Variants in P2RY11 observed in about 807,000 individuals in gnomAD.
The protein encoded by P2RY11 is P2Y purinoceptor 11.
Under a neutral mutation model 2.4 loss-of-function variants are expected in P2RY11, and 3 were observed. That is an observed-to-expected ratio of 1.22 (90% CI 0.56 to 3.17). The LOEUF (loss-of-function observed/expected upper bound fraction) is 3.17, where lower values mean the gene tolerates loss of function less well. P2RY11 is among the 30% of genes most tolerant of loss of function. P2RY11 has a pLI of 0.03. For synonymous variants in P2RY11, 307 were observed against 237.3 expected (o/e 1.29, Z -2.70); for missense variants, 670 against 528.2 (o/e 1.27, Z -2.63).
At chr19:10,113,571 G>C in intron 1 of P2RY11, 62 bp from the exon 2 acceptor site, 2 of 1,549,172 alleles carry the variant, frequency 1.3e-6, no homozygotes, top group Non-Finnish European at 1.7e-6. Context: ...GTGGGCTCTT[G>C]GGGTAGCAGG....
Position 10,113,734 on chromosome 19 carries a change from G to C in P2RY11, c.121G>C (p.Val41Leu). 2.5e-6 allele frequency: 4 copies of C among 1,614,072 alleles called. No individual in the cohort carries two copies. The highest frequency in any genetic ancestry group is 3.4e-6 in the Non-Finnish European group (4 of 1,179,962). Residue 41 changes from valine to leucine, a missense_variant, in exon 2 of 2, where the codon GTG becomes CTG. Val to Leu is a conservative substitution (Grantham distance 32). Coordinates refer to ENST00000321826, the MANE Select transcript of P2RY11 (RefSeq NM_002566.5). ...LWPILVVEFL[V>L]AVASNGLALY... ...GCCCATACTGGTGGTTGAGTTCCTG[G>C]TGGCCGTGGCCAGCAATGGCCTGGC...
Position 10,114,452 on chromosome 19 carries a change from C to G in P2RY11, c.839C>G (p.Thr280Ser). 6.2e-7 allele frequency: 1 copy of G among 1,611,780 alleles called. No individual in the cohort carries two copies. Among genetic ancestry groups the G allele is most frequent in the Non-Finnish European group, 8.5e-7 (1 of 1,179,844 alleles). ...GTGGATGCTCGGCGGCGCTGGAGCA[C>G]CCGCTGCCCGAGCTTTGCAGACATA... ...LNVDARRRWS[T>S]RCPSFADIAQ... The change falls in exon 2 of 2, where the codon ACC (threonine) becomes AGC (serine). Residue 280 changes from threonine to serine, a missense_variant. Physicochemically the swap from Thr to Ser is moderately conservative, Grantham distance 58. Coordinates refer to ENST00000321826, the MANE Select transcript of P2RY11 (RefSeq NM_002566.5).
Position 10,115,171 on chromosome 19 carries a change from A to G in P2RY11, c.*433A>G. 6.2e-7 allele frequency: 1 copy of G among 1,608,586 alleles called. No homozygotes were observed. Among genetic ancestry groups the G allele is most frequent in the South Asian group, 1.1e-5 (1 of 90,440 alleles). On this transcript the variant is annotated 3_prime_UTR_variant, in exon 2 of 2. Transcript: ENST00000321826. ...TGGCAGGTATAAGACTTCTGGGGGC[A>G]CCCCAAGACCCCAGACACCCAAGTG...
chr19:10,114,340 A>G lies in P2RY11; in HGVS notation c.727A>G (p.Lys243Glu), dbSNP rs2089193703. The change falls in exon 2 of 2, where the codon AAG becomes GAG. Residue 243 changes from lysine to glutamate, a missense_variant. Transcript: ENST00000321826. ...CAGCCCAGGCATGACTGTGGCCGAG[A>G]AGCTGCGTGTGGCAGCGTTGGTGGC... ...LRSPGMTVAE[K>E]LRVAALVASG... 1 of 1,601,586 alleles carries G rather than the reference A, an allele frequency of 6.2e-7. No individual in the cohort carries two copies. The highest frequency in any genetic ancestry group is 8.5e-7 in the Non-Finnish European group (1 of 1,178,204).
Position 10,114,812 on chromosome 19 carries a change from C to T in P2RY11, c.*74C>T, listed in dbSNP as rs1337115339. 10 of 1,526,572 alleles carry T rather than the reference C, an allele frequency of 6.6e-6. No individual in the cohort carries two copies. The highest frequency in any genetic ancestry group is 1.4e-5 in the African/African-American group (1 of 72,246). The allele number at this position is 1,526,572 out of a possible 1,614,324, so 94.6% of individuals were successfully genotyped here. A position where few individuals can be genotyped will look rare whatever the true frequency, so the allele number is the denominator to read the frequency against. On this transcript the variant is annotated 3_prime_UTR_variant, in exon 2 of 2. Coordinates refer to ENST00000321826, the MANE Select transcript of P2RY11 (RefSeq NM_002566.5). The stretch of plus-strand genomic sequence containing the variant: ...CCTGAGGGCAGGGCCCGAGCCCCGA[C>T]ACATCCCTTCCCCCAAAAAGCAACA...
At position 10,114,632 on chromosome 19, in the gene P2RY11, A is replaced by G. The variant is rs62638736; in HGVS notation, c.1019A>G (p.Asp340Gly). The G allele has an allele frequency of 7.8e-4, 1,263 of 1,613,940 alleles. 12 individuals carry two copies. The highest frequency in any genetic ancestry group is 5.0e-4 in the Middle Eastern group (3 of 6,060). ...CCCRHCPGYR[D>G]SWNPEDAKST... The stretch of plus-strand genomic sequence containing the variant: ...TGCCGACACTGCCCCGGCTACAGGG[A>G]CAGCTGGAACCCAGAGGACGCCAAG... Residue 340 changes from aspartate to glycine, a missense_variant, in exon 2 of 2, where the codon GAC becomes GGC. Coordinates refer to ENST00000321826, the MANE Select transcript of P2RY11 (RefSeq NM_002566.5).
At position 10,114,657 on chromosome 19, in the gene P2RY11, G is replaced by C. The variant is rs747934167; in HGVS notation, c.1044G>C (p.Lys348Asn). The C allele has an allele frequency of 3.7e-6, 6 of 1,613,908 alleles. No individual in the cohort carries two copies. Among genetic ancestry groups the C allele is most frequent in the Non-Finnish European group, 4.2e-6 (5 of 1,179,994 alleles). The change falls in exon 2 of 2, where the codon AAG (lysine) becomes AAC (asparagine). Residue 348 changes from lysine (K) to asparagine (N), a missense_variant. Lys to Asn is a moderately conservative substitution (Grantham distance 94). Coordinates refer to ENST00000321826, the MANE Select transcript of P2RY11 (RefSeq NM_002566.5). ...YRDSWNPEDAKSTGQALPLNA... is the reference protein window; with the variant it reads ...YRDSWNPEDANSTGQALPLNA... ...ACAGCTGGAACCCAGAGGACGCCAA[G>C]AGCACTGGCCAAGCCCTGCCCCTCA...
Position 10,114,057 on chromosome 19 carries a change from C to T in P2RY11, c.444C>T (p.Ala148=), listed in dbSNP as rs756582255. 5.4e-5 allele frequency: 86 copies of T among 1,600,496 alleles called. No homozygotes were observed. In the Admixed American group the frequency reaches 1.0e-3, roughly 19 times the overall value. ...RSHLRPKHAW[A]VSAAGWVLAA... is the part of the protein sequence containing the mutation. ...ACCTGCGACCCAAGCACGCCTGGGC[C>T]GTGAGCGCTGCCGGCTGGGTCCTGG... Residue 148 remains alanine (A), a synonymous_variant, in exon 2 of 2, where the codon GCC becomes GCT. Transcript: ENST00000321826.
chr19:10,114,561 C>T lies in P2RY11; in HGVS notation c.948C>T (p.Val316=). Residue 316 remains valine (V), a synonymous_variant, in exon 2 of 2, where the codon GTC becomes GTT. Transcript: ENST00000321826. ...MRGLMPLAFC[V]HPLLYMAAVP... ...GCCTCATGCCCCTGGCCTTCTGTGT[C>T]CACCCTCTACTCTACATGGCCGCAG... 6.2e-7 allele frequency: 1 copy of T among 1,613,432 alleles called. No individual in the cohort carries two copies. The highest frequency in any genetic ancestry group is 1.1e-5 in the South Asian group (1 of 91,072).
At chr19:10,113,481 G>A in intron 1 of P2RY11, 152 bp from the exon 2 acceptor site, 2 of 1,200,268 alleles carry the variant, frequency 1.7e-6, no homozygotes, top group Non-Finnish European at 2.3e-6. Flanking sequence ...CCTCAATCCT[G>A]TCCACATAAA....
rs2089176150 is a variant in P2RY11 at position 10,113,853 on chromosome 19, G to A, written c.240G>A (p.Leu80=). 1.9e-6 allele frequency: 3 copies of A among 1,612,182 alleles called. No homozygotes were observed. In the African/African-American group the frequency reaches 4.0e-5, roughly 22 times the overall value. ...CAGTCAGCGACCTGCTCTGCGCCCT[G>A]ACGCTGCCCCCGCTGGCCGCCTACC... is the stretch of plus-strand genomic sequence containing the variant. ...QLAVSDLLCA[L]TLPPLAAYLY... Residue 80 remains leucine, a synonymous_variant, in exon 2 of 2, where the codon CTG becomes CTA. Coordinates refer to ENST00000321826, the MANE Select transcript of P2RY11 (RefSeq NM_002566.5).
At position 10,113,968 on chromosome 19, in the gene P2RY11, T is replaced by A. The variant is rs1555763553; in HGVS notation, c.355T>A (p.Phe119Ile). The A allele has an allele frequency of 1.9e-6, 3 of 1,601,816 alleles. No homozygotes were observed. In the South Asian group the frequency reaches 3.3e-5, roughly 18 times the overall value. The change falls in exon 2 of 2, where the codon TTC becomes ATC. Residue 119 changes from phenylalanine (F) to isoleucine (I), a missense_variant. Coordinates refer to ENST00000321826, the MANE Select transcript of P2RY11 (RefSeq NM_002566.5). ...CTGCAACCTGCTGGGCAGCGTCATC[T>A]TCATCACCTGCATCAGCCTCAACCG... ...FTCNLLGSVI[F>I]ITCISLNRYL... is the part of the protein sequence containing the mutation.
chr19:10,113,920 C>A lies in P2RY11; in HGVS notation c.307C>A (p.Arg103Ser). The A allele has an allele frequency of 6.2e-7, 1 of 1,604,170 alleles. No individual in the cohort carries two copies. Among genetic ancestry groups the A allele is most frequent in the African/African-American group, 1.3e-5 (1 of 75,046 alleles). ...KHWRYGEAAC[R>S]LERFLFTCNL... ...CTGGCGCTATGGGGAGGCCGCGTGC[C>A]GCCTGGAGCGCTTCCTCTTCACCTG... The change falls in exon 2 of 2, where the codon CGC (arginine) becomes AGC (serine). Residue 103 changes from arginine to serine, a missense_variant. Coordinates refer to ENST00000321826, the MANE Select transcript of P2RY11 (RefSeq NM_002566.5).
chr19:10,113,793 A>T lies in P2RY11; in HGVS notation c.180A>T (p.Pro60=). The change falls in exon 2 of 2, where the codon CCA becomes CCT. Residue 60 remains proline, a synonymous_variant. Coordinates refer to ENST00000321826, the MANE Select transcript of P2RY11 (RefSeq NM_002566.5). ...GCTTCAGCATCCGGAAGCAGCGCCC[A>T]TGGCACCCCGCCGTGGTCTTCTCTG... ...LYRFSIRKQR[P]WHPAVVFSVQ... 1 of 1,613,920 alleles carries T rather than the reference A, an allele frequency of 6.2e-7. No homozygotes were observed. Among genetic ancestry groups the T allele is most frequent in the Non-Finnish European group, 8.5e-7 (1 of 1,179,944 alleles).
chr19:10,114,087 C>G lies in P2RY11; in HGVS notation c.474C>G (p.Ala158=), dbSNP rs759763818. The G allele has an allele frequency of 1.2e-6, 2 of 1,600,582 alleles. No homozygotes were observed. Among genetic ancestry groups the G allele is most frequent in the South Asian group, 1.1e-5 (1 of 91,022 alleles). ...AVSAAGWVLA[A]LLAMPTLSFS... is the part of the protein sequence containing the mutation. ...GCGCTGCCGGCTGGGTCCTGGCCGC[C>G]CTGCTGGCCATGCCCACACTCAGCT... The change falls in exon 2 of 2, where the codon GCC becomes GCG. Residue 158 remains alanine (A), a synonymous_variant. Transcript: ENST00000321826.
At position 10,111,707 on chromosome 19, in the gene P2RY11, G is replaced by T. The variant is rs773850360; in HGVS notation, c.-15G>T. 6.2e-7 allele frequency: 1 copy of T among 1,613,802 alleles called. No individual in the cohort carries two copies. The highest frequency in any genetic ancestry group is 1.7e-5 in the Admixed American group (1 of 60,006). On this transcript the variant is annotated 5_prime_UTR_variant, in exon 1 of 2. Coordinates refer to ENST00000321826, the MANE Select transcript of P2RY11 (RefSeq NM_002566.5). The stretch of plus-strand genomic sequence containing the variant: ...AACTGGGTAGCAGACACAGGCTGAG[G>T]ATCGGCACGGGAGCATGGCAGCCAA...
Position 10,114,025 on chromosome 19 carries a change from C to A in P2RY11, c.412C>A (p.Arg138=). The A allele has an allele frequency of 6.2e-7, 1 of 1,601,226 alleles. No individual in the cohort carries two copies. The highest frequency in any genetic ancestry group is 8.5e-7 in the Non-Finnish European group (1 of 1,179,606). ...GGGCATCGTGCACCCCTTCTTCGCC[C>A]GAAGCCACCTGCGACCCAAGCACGC... ...YLGIVHPFFA[R]SHLRPKHAWA... Residue 138 remains arginine (R), a synonymous_variant, in exon 2 of 2, where the codon CGA becomes AGA. Transcript: ENST00000321826.
rs572628287 is a variant in P2RY11 at position 10,114,758 on chromosome 19, C to G, written c.*20C>G. ...CAATGATGTGGCCTAGCGGAAGCTG[C>G]CTCCTCACCCTAGGTGTTGCTGGAG... On this transcript the variant is annotated 3_prime_UTR_variant, in exon 2 of 2. Transcript: ENST00000321826. 3.2e-6 allele frequency: 5 copies of G among 1,580,366 alleles called. No individual in the cohort carries two copies. In the African/African-American group the frequency reaches 4.0e-5, roughly 13 times the overall value.
rs1042492636 is a variant in P2RY11 at position 10,113,719 on chromosome 19, G to A, written c.106G>A (p.Val36Met). The change falls in exon 2 of 2, where the codon GTG (valine) becomes ATG (methionine). Residue 36 changes from valine (V) to methionine (M), a missense_variant. Val to Met is a conservative substitution (Grantham distance 21). Transcript: ENST00000321826. ...FQGDFLWPIL[V>M]VEFLVAVASN... is the part of the protein sequence containing the mutation. The stretch of plus-strand genomic sequence containing the variant: ...GGGGGACTTCCTGTGGCCCATACTG[G>A]TGGTTGAGTTCCTGGTGGCCGTGGC... 4.3e-6 allele frequency: 7 copies of A among 1,613,890 alleles called. No homozygotes were observed. Among genetic ancestry groups the A allele is most frequent in the Non-Finnish European group, 5.1e-6 (6 of 1,179,942 alleles).
Sources: allele counts gnomAD v4.1 joint callset, GRCh38; gene constraint gnomAD v4.1.1; transcripts MANE v1.5; gene names NCBI Gene and HGNC (gene_info 2026-07-23, HGNC 2026-07-21).